The following EPS8L3 variants were observed in gnomAD, a reference collection of about 807,000 sequenced individuals.
The protein encoded by EPS8L3 is epidermal growth factor receptor kinase substrate 8-like protein 3.
A neutral mutation model predicts 88.5 loss-of-function variants in EPS8L3; 80 were observed. The ratio of observed to expected loss-of-function variants is 0.90; its 90% confidence interval spans 0.75 to 1.09. The LOEUF is 1.09. EPS8L3 is among the 50% of genes least tolerant of loss of function. The probability of loss-of-function intolerance (pLI) is 0.00; values close to 1 mark genes in which losing one functional copy is unlikely to be tolerated. For synonymous variants in EPS8L3, 286 were observed against 291.0 expected (o/e 0.98, Z 0.18); for missense variants, 721 against 735.2 (o/e 0.98, Z 0.22).
In EPS8L3 at chr1:109,757,548, A is replaced by G. The variant is rs1381293960; in HGVS notation, c.902T>C (p.Leu301Pro). The change falls in exon 11 of 19, where the codon CTG becomes CCG. Residue 301 changes from leucine to proline, a missense_variant. Physicochemically the swap from Leu to Pro is moderately conservative, Grantham distance 98 (BLOSUM62 -3). Transcript: ENST00000361965. ...ACTTGTCTCCTTCAGCCAGGTGGCCAGCCTTCCCTGGGGACACAGAGCAAT... is the reference window on the plus strand; with the variant it reads ...ACTTGTCTCCTTCAGCCAGGTGGCCGGCCTTCCCTGGGGACACAGAGCAAT... ...IKHSFNLLGRLATWLKETSAP... is the reference protein window; with the variant it reads ...IKHSFNLLGRPATWLKETSAP... 6.2e-7 allele frequency: 1 copy of G among 1,613,916 alleles called. No individual in the cohort carries two copies. The highest frequency in any genetic ancestry group is 2.2e-5 in the East Asian group (1 of 44,886).
In EPS8L3 at chr1:109,759,618, C is replaced by G; in HGVS notation, c.255+60G>C. ...GGGCATGGAGGGTGGAGTTCAAGAG[C>G]TAGTGCTTGCTTCCCCACAGCCCAG... On this transcript the variant is annotated intron_variant, in intron 4 of 18. Coordinates refer to ENST00000361965, the MANE Select transcript of EPS8L3 (RefSeq NM_133181.4). This position sits in a 1 kb window ranked among gnomAD's most constrained non-coding sequence, Gnocchi z 4.2. 1 of 1,581,626 alleles carries G rather than the reference C, an allele frequency of 6.3e-7. No homozygotes were observed. Among genetic ancestry groups the G allele is most frequent in the Non-Finnish European group, 8.6e-7 (1 of 1,165,414 alleles).
intron 3 of EPS8L3, 63 bp downstream of exon 3, chr1:109,761,432 G>C: frequency 7.0e-7 from 1 of 1,425,458 alleles, no homozygotes; most frequent in Non-Finnish European, 9.7e-7. Context: ...CTGGCAGGGC[G>C]GTGGGCACAT....
rs75744349 is a variant in EPS8L3, at chr1:109,751,734, G to A, written c.1483C>T (p.Arg495Trp). The A allele has an allele frequency of 1.1e-3, 1,732 of 1,613,710 alleles. 2 individuals carry two copies. The highest frequency in any genetic ancestry group is 1.3e-3 in the Non-Finnish European group (1,554 of 1,179,978). ...RWWLVKNEAG[R>W]SGYIPSNILE... ...ATGTTGCTTGGAATGTAGCCGCTCCGTCCCGCCTCATTCTTCACCAGCCAC... is the reference window on the plus strand; with the variant it reads ...ATGTTGCTTGGAATGTAGCCGCTCCATCCCGCCTCATTCTTCACCAGCCAC... The change falls in exon 16 of 19, where the codon CGG becomes TGG. Residue 495 changes from arginine to tryptophan, a missense_variant. By Grantham distance (101) the Arg-to-Trp change is moderately radical (BLOSUM62 -3). Coordinates refer to ENST00000361965, the MANE Select transcript of EPS8L3 (RefSeq NM_133181.4).
At chr1:109,752,240 A>C in intron 14 of EPS8L3, 47 bp from the exon 15 acceptor site, 1 of 1,553,426 alleles carries the variant, frequency 6.4e-7, no homozygotes, top group Non-Finnish European at 8.8e-7. Context: ...CTCAGAAATT[A>C]AGCCTATGTC....
intron 3 of EPS8L3, among the ~76,000 whole-genome samples, chr1:109,760,645 T>C (rs1650818142): frequency 6.6e-6 from 1 of 152,060 alleles, no homozygotes; most frequent in African/African-American, 2.4e-5. Context: ...GCCTCCACCC[T>C]ACAGAGAAGC....
Position 109,758,418 on chromosome 1 carries a change from G to A in EPS8L3, c.615C>T (p.Ser205=), listed in dbSNP as rs555838570. The change falls in exon 8 of 19, where the codon TCC becomes TCT. Residue 205 remains serine (S), a synonymous_variant. Coordinates refer to ENST00000361965, the MANE Select transcript of EPS8L3 (RefSeq NM_133181.4). ...TGGTGTGGCGTGGCAGGGGCCTTGG[G>A]GATGGTGGGAGGCCTGCAGTGTAAG... ...QRTLEHSLPP[S]PRPLPRHTSA... 1 of 1,607,582 alleles carries A rather than the reference G, an allele frequency of 6.2e-7. No homozygotes were observed. Among genetic ancestry groups the A allele is most frequent in the Non-Finnish European group, 8.5e-7 (1 of 1,176,762 alleles).
At chr1:109,751,883 C>T in intron 15 of EPS8L3, 101 bp from the exon 16 acceptor site, 2 of 1,576,630 alleles carry the variant, frequency 1.3e-6, no homozygotes, top group Non-Finnish European at 1.7e-6. Flanking sequence ...CCCTCCTTCT[C>T]CCTCTCTAGG....
intron 18 of EPS8L3, 116 bp downstream of exon 18, chr1:109,750,544 C>A: frequency 6.3e-7 from 1 of 1,581,740 alleles, no homozygotes; most frequent in Non-Finnish European, 8.6e-7. Flanking sequence ...GCCCAGCACC[C>A]GCCACACTCA....
chr1:109,757,890 C>T (rs570045339), intron 9 of EPS8L3, 27 bp from the exon 10 acceptor site: 2 of 1,613,662 alleles, frequency 1.2e-6, no homozygotes, highest in East Asian at 2.2e-5. Context: ...AGACGGTGGG[C>T]CAGAGATCAC....
chr1:109,761,478 G>T lies in EPS8L3; in HGVS notation c.96+17C>A. 6.2e-7 allele frequency: 1 copy of T among 1,603,424 alleles called. No homozygotes were observed. Among genetic ancestry groups the T allele is most frequent in the Non-Finnish European group, 8.5e-7 (1 of 1,172,244 alleles). On this transcript the variant is annotated intron_variant, in intron 3 of 18. Coordinates refer to ENST00000361965, the MANE Select transcript of EPS8L3 (RefSeq NM_133181.4). The stretch of plus-strand genomic sequence containing the variant: ...GGGTTTAGTTGGACACTGCCCGGGG[G>T]CTGCAGAGGTACTCACCTCCACCCT...
At chr1:109,751,831 T>C (rs1649822765) in intron 15 of EPS8L3, 49 bp from the exon 16 acceptor site, 2 of 1,608,298 alleles carry the variant, frequency 1.2e-6, no homozygotes, top group South Asian at 2.2e-5. Flanking sequence ...CCAGCCAGCC[T>C]TCCCTCCCCA....
chr1:109,759,847 A>G lies in EPS8L3; in HGVS notation c.97-11T>C. 6.2e-7 allele frequency: 1 copy of G among 1,612,682 alleles called. No individual in the cohort carries two copies. Reference sequence around the variant, plus strand: ...GCATGTCATCAAGTGCTGCAGGGAGAGGGGGAGTCCTAGGACTGGGAGAAA... The same window carrying G: ...GCATGTCATCAAGTGCTGCAGGGAGGGGGGGAGTCCTAGGACTGGGAGAAA... On this transcript the variant is annotated splice_polypyrimidine_tract_variant and intron_variant, in intron 3 of 18. Transcript: ENST00000361965. The surrounding 1 kb of genome is among the most constrained non-coding windows in gnomAD (Gnocchi z 4.2).
Position 109,758,510 on chromosome 1 carries a change from T to A in EPS8L3, c.601+14A>T, listed in dbSNP as rs75363560. 1.8e-3 allele frequency: 2,748 copies of A among 1,566,288 alleles called. 2 individuals are homozygous for A. Among genetic ancestry groups the A allele is most frequent in the Non-Finnish European group, 2.1e-3 (2,475 of 1,156,832 alleles). On this transcript the variant is annotated intron_variant, in intron 7 of 18. Coordinates refer to ENST00000361965, the MANE Select transcript of EPS8L3 (RefSeq NM_133181.4). ...AAACCCTCTCCTTCACCTGCCCCCA[T>A]GCCCCAAACTTACTGTGCTCTAGGG...
chr1:109,751,441 A>T, intron 16 of EPS8L3, 90 bp from the exon 17 acceptor site: 1 of 1,426,748 alleles, frequency 7.0e-7, no homozygotes, highest in Non-Finnish European at 9.7e-7. Context: ...CCAGGTTCCC[A>T]TCAAATCACT....
rs746852359 is a variant in EPS8L3, at chr1:109,750,222, CTGTT to C, written c.*165_*168del. On this transcript the variant is annotated 3_prime_UTR_variant, in exon 19 of 19. Coordinates refer to ENST00000361965, the MANE Select transcript of EPS8L3 (RefSeq NM_133181.4). ...GGCTCCAACACAGCCAGAAGGGACA[CTGTT>C]TGCTTCAGCCTCTGGGCCTGTCCAT... 117 of 753,232 alleles carry C rather than the reference CTGTT, an allele frequency of 1.6e-4. No homozygotes were observed. Among genetic ancestry groups the C allele is most frequent in the Non-Finnish European group, 2.2e-4 (102 of 453,876 alleles). 46.7% of individuals were successfully genotyped at this position (753,232 alleles called of 1,614,324 possible).
intron 8 of EPS8L3, 71 bp from the exon 9 acceptor site, chr1:109,758,129 C>T (rs1024234148): frequency 1.4e-5 from 20 of 1,418,772 alleles, no homozygotes; most frequent in South Asian, 4.7e-5. Context: ...CACTGCCCCC[C>T]GCACCCCTCC....
chr1:109,753,707 C>T (rs974923400), intron 12 of EPS8L3, among the ~76,000 whole-genome samples: 1 of 152,186 alleles, frequency 6.6e-6, no homozygotes, highest in African/African-American at 2.4e-5. Flanking sequence ...TGCCTCTCAG[C>T]CTCCCCCTCG....
chr1:109,755,263 T>C (rs1650174255), intron 12 of EPS8L3, among the ~76,000 whole-genome samples: 1 of 152,148 alleles, frequency 6.6e-6, no homozygotes, highest in Admixed American at 6.5e-5. Flanking sequence ...TATTGTTTAA[T>C]GGGTACAGAA....
chr1:109,751,886 T>A, intron 15 of EPS8L3, 104 bp from the exon 16 acceptor site: 1 of 1,572,244 alleles, frequency 6.4e-7, no homozygotes, highest in Non-Finnish European at 8.6e-7. Context: ...TCCTTCTCCC[T>A]CTCTAGGCCA....
Sources: gnomAD v4.1 joint callset for allele counts (sites outside exome capture counted in the v4.1 genomes callset) on GRCh38, gnomAD v4.1.1 for gene constraint, Gnocchi (gnomAD v3.1) non-coding constraint, MANE v1.5 for transcripts, NCBI Gene and HGNC (gene_info 2026-07-23, HGNC 2026-07-21) for gene names.